Variants in TM9SF3 observed in about 807,000 individuals in gnomAD.
TM9SF3 encodes transmembrane 9 superfamily member 3.
In TM9SF3, 14 loss-of-function variants were observed where a neutral mutation model predicts 78.6. The ratio of observed to expected loss-of-function variants is 0.18; its 90% confidence interval spans 0.12 to 0.28. The LOEUF (loss-of-function observed/expected upper bound fraction) is 0.28. Ranked by LOEUF, TM9SF3 falls within the 10% of genes least tolerant of loss-of-function variation. The pLI is 1.00. For synonymous variants in TM9SF3, 231 were observed against 241.7 expected (o/e 0.96, Z 0.41); for missense variants, 496 against 721.9 (o/e 0.69, Z 3.59).
intron 7 of TM9SF3, among the ~76,000 whole-genome samples, chr10:96,548,797 CAAAAAAAA>C (rs5787196): frequency 4.1e-4 from 24 of 58,482 alleles, no homozygotes; most frequent in Non-Finnish European, 8.0e-4. Context: ...GACTCCATCT[CAAAAAAAA>C]AAAAAAAAAA....
At chr10:96,544,249 G>C in intron 8 of TM9SF3, 43 bp from the exon 9 acceptor site, 2 of 1,464,564 alleles carry the variant, frequency 1.4e-6, no homozygotes, top group African/African-American at 1.4e-5. Flanking sequence ...TAATTATTTA[G>C]TACGAAATTA....
chr10:96,526,317 C>CA (rs1481978622), intron 14 of TM9SF3, among the ~76,000 whole-genome samples: 1 of 151,980 alleles, frequency 6.6e-6, no homozygotes, highest in Non-Finnish European at 1.5e-5. Context: ...ACACACATGA[C>CA]ACTATTCCTC....
chr10:96,564,593 T>C (rs1220105651), intron 3 of TM9SF3, among the ~76,000 whole-genome samples: 1 of 152,264 alleles, frequency 6.6e-6, no homozygotes, highest in East Asian at 1.9e-4. Flanking sequence ...TTTGATAGTT[T>C]ACTGCTCATG....
In TM9SF3 at chr10:96,582,805, C is replaced by T. The variant is rs372187636; in HGVS notation, c.102+3929G>A. ...TATACATATATACCATAGGGTCAGG[C>T]GCAGTGGCTCACACCTATAATCCCA... On this transcript the variant is annotated intron_variant, in intron 1 of 14. Coordinates refer to ENST00000371142, the MANE Select transcript of TM9SF3 (RefSeq NM_020123.4). 7.2e-5 allele frequency among the ~76,000 whole-genome samples: 11 copies of T among 152,118 alleles called. No homozygotes were observed. The South Asian group carries it at 1.7e-3, about 23-fold the overall frequency.
intron 7 of TM9SF3, 117 bp downstream of exon 7, chr10:96,551,128 A>C (rs1252195787): frequency 2.3e-6 from 2 of 880,224 alleles, no homozygotes; most frequent in Non-Finnish European, 3.4e-6. Flanking sequence ...TATTTATCAT[A>C]AACTGTAAGA....
intron 1 of TM9SF3, among the ~76,000 whole-genome samples, chr10:96,582,336 A>C (rs1848579752): frequency 6.6e-6 from 1 of 152,228 alleles, no homozygotes; most frequent in African/African-American, 2.4e-5. Context: ...GCCTTGAGCA[A>C]GTCTCTGAAC....
In TM9SF3 at chr10:96,533,042, T is replaced by C; in HGVS notation, c.1325+9A>G. ...GAAACAATCGCATAAGATTTAGCATTCTCTTTACCATTTTTTCTCCGGTAT... is the reference window on the plus strand; with the variant it reads ...GAAACAATCGCATAAGATTTAGCATCCTCTTTACCATTTTTTCTCCGGTAT... On this transcript the variant is annotated intron_variant, in intron 10 of 14. Coordinates refer to ENST00000371142, the MANE Select transcript of TM9SF3 (RefSeq NM_020123.4). The C allele has an allele frequency of 6.2e-7, 1 of 1,613,376 alleles. No homozygotes were observed. Among genetic ancestry groups the C allele is most frequent in the Non-Finnish European group, 8.5e-7 (1 of 1,179,700 alleles).
intron 9 of TM9SF3, 88 bp from the exon 10 acceptor site, chr10:96,533,278 G>T: frequency 6.9e-7 from 1 of 1,446,020 alleles, no homozygotes; most frequent in South Asian, 1.4e-5. Flanking sequence ...AACACAATTT[G>T]ACCACAAAAG....
chr10:96,554,529 T>A (rs1848211961), intron 5 of TM9SF3, among the ~76,000 whole-genome samples: 1 of 152,174 alleles, frequency 6.6e-6, no homozygotes, highest in African/African-American at 2.4e-5. Context: ...CTGCTTCTCC[T>A]CTTTCATCTT....
chr10:96,527,175 A>G lies in TM9SF3; in HGVS notation c.1702+38T>C, dbSNP rs1167313652. The G allele has an allele frequency of 8.4e-6, 13 of 1,542,726 alleles. No individual in the cohort carries two copies. In the East Asian group the frequency reaches 2.7e-4, roughly 32 times the overall value. On this transcript the variant is annotated intron_variant, in intron 14 of 14. Coordinates refer to ENST00000371142, the MANE Select transcript of TM9SF3 (RefSeq NM_020123.4). ...GTATTTTTCGGATTTAGAGAAACTC[A>G]GATTTACTCATGATGTTCAAAGAAT...
At chr10:96,563,198 C>T (rs536067229) in intron 3 of TM9SF3, among the ~76,000 whole-genome samples, 2 of 152,240 alleles carry the variant, frequency 1.3e-5, no homozygotes, top group South Asian at 4.1e-4. Flanking sequence ...ACCTCAGCCT[C>T]TAGAGTAGTT....
At chr10:96,569,927 G>T (rs1001017333) in intron 2 of TM9SF3, among the ~76,000 whole-genome samples, 3 of 152,194 alleles carry the variant, frequency 2.0e-5, no homozygotes, top group Admixed American at 6.5e-5. Context: ...AGCTACCTGG[G>T]AGGCTGAGGC....
intron 3 of TM9SF3, among the ~76,000 whole-genome samples, chr10:96,564,588 T>C (rs1051752943): frequency 7.9e-5 from 12 of 152,246 alleles, no homozygotes; most frequent in Admixed American, 4.6e-4. Context: ...CAGACTTTGA[T>C]AGTTTACTGC....
In TM9SF3 at chr10:96,522,420, GTTA is replaced by G. The variant is rs1431824171; in HGVS notation, c.1703-93_1703-91del. 5 of 1,039,542 alleles carry G rather than the reference GTTA, an allele frequency of 4.8e-6. No individual in the cohort carries two copies. In the East Asian group the frequency reaches 1.4e-4, roughly 30 times the overall value. 64.4% of individuals were successfully genotyped at this position (1,039,542 alleles called of 1,614,324 possible). ...CACTAAATACTCTATGCTCTGGAAA[GTTA>G]TTCTTTTTTAAAGAAAATATCCTTA... On this transcript the variant is annotated intron_variant, in intron 14 of 14. Transcript: ENST00000371142.
Position 96,586,723 on chromosome 10 carries a change from G to C in TM9SF3, c.102+11C>G, listed in dbSNP as rs1848636390. 1.6e-5 allele frequency: 20 copies of C among 1,224,646 alleles called. No individual in the cohort carries two copies. Among genetic ancestry groups the C allele is most frequent in the South Asian group, 7.5e-5 (2 of 26,630 alleles). The allele number at this position is 1,224,646 out of a possible 1,614,324, so 75.9% of individuals were successfully genotyped here. On this transcript the variant is annotated intron_variant, in intron 1 of 14. Transcript: ENST00000371142. Reference sequence around the variant, plus strand: ...TAGCCCGGGGCGGCCGCGCCGGCCGGGGCGCCTCACCGTGTGTTCGTGCTC... The same window carrying C: ...TAGCCCGGGGCGGCCGCGCCGGCCGCGGCGCCTCACCGTGTGTTCGTGCTC...
intron 10 of TM9SF3, among the ~76,000 whole-genome samples, chr10:96,531,096 G>A (rs569719730): frequency 6.6e-6 from 1 of 152,258 alleles, no homozygotes; most frequent in South Asian, 2.1e-4. Flanking sequence ...GGTATTATGA[G>A]TTCTTATTTA....
At chr10:96,575,305 TC>T (rs1025858772) in intron 2 of TM9SF3, among the ~76,000 whole-genome samples, 2 of 152,180 alleles carry the variant, frequency 1.3e-5, no homozygotes, top group African/African-American at 4.8e-5. Context: ...GTTTAAGTTT[TC>T]TTGTTATTTG....
intron 10 of TM9SF3, among the ~76,000 whole-genome samples, chr10:96,530,827 G>GA (rs1847886166): frequency 6.6e-6 from 1 of 152,198 alleles, no homozygotes; most frequent in Admixed American, 6.5e-5. Context: ...ATTAAAGACT[G>GA]AGACAAGTAT....
chr10:96,551,108 G>A, intron 7 of TM9SF3, 137 bp downstream of exon 7: 3 of 766,990 alleles, frequency 3.9e-6, no homozygotes, highest in Non-Finnish European at 6.0e-6. Context: ...TTGTCTGTCT[G>A]CATTTATGAT....
Sources: gnomAD v4.1 joint callset for allele counts (sites outside exome capture counted in the v4.1 genomes callset) on GRCh38, gnomAD v4.1.1 for gene constraint, MANE v1.5 for transcripts, NCBI Gene and HGNC (gene_info 2026-07-23, HGNC 2026-07-21) for gene names.